Variants in ADAMTS6 observed in about 807,000 individuals in gnomAD.
The protein encoded by ADAMTS6 is A disintegrin and metalloproteinase with thrombospondin motifs 6.
A neutral mutation model predicts 144.3 loss-of-function variants in ADAMTS6; 23 were observed. That is an observed-to-expected ratio of 0.16 (90% CI 0.11 to 0.23). The LOEUF (loss-of-function observed/expected upper bound fraction) is 0.23. ADAMTS6 is among the 10% of genes least tolerant of loss of function. The pLI is 1.00. For synonymous variants in ADAMTS6, 444 were observed against 457.5 expected (o/e 0.97, Z 0.38); for missense variants, 999 against 1,379.6 (o/e 0.72, Z 4.37).
intron 7 of ADAMTS6, among the ~76,000 whole-genome samples, chr5:65,351,223 A>G (rs951503804): frequency 6.6e-6 from 1 of 152,230 alleles, no homozygotes; most frequent in African/African-American, 2.4e-5. Flanking sequence ...GTTCTACAAG[A>G]CTGAGTGCCA....
At chr5:65,470,195 A>T (rs1414932195) in intron 3 of ADAMTS6, among the ~76,000 whole-genome samples, 1 of 152,154 alleles carries the variant, frequency 6.6e-6, no homozygotes, top group Non-Finnish European at 1.5e-5. Flanking sequence ...AAACACTGGG[A>T]TTACAGACAT....
chr5:65,215,614 A>G, intron 18 of ADAMTS6, 127 bp from the exon 19 acceptor site: 1 of 744,906 alleles, frequency 1.3e-6, no homozygotes, highest in Non-Finnish European at 2.1e-6. Flanking sequence ...TCTTGACCAT[A>G]TTCTTAAGTA....
At chr5:65,365,342 A>T (rs6880291) in intron 7 of ADAMTS6, among the ~76,000 whole-genome samples, 82,416 of 151,978 alleles carry the variant, frequency 0.54, 23,065 homozygotes, top group African/African-American at 0.67. Context: ...CTTAGAAAAT[A>T]CTTCTCAATA....
chr5:65,461,894 T>C (rs941377308), intron 3 of ADAMTS6, among the ~76,000 whole-genome samples: 1 of 152,354 alleles, frequency 6.6e-6, no homozygotes, highest in African/African-American at 2.4e-5. Flanking sequence ...TAAACCTCTA[T>C]GATTCTGCTT....
intron 3 of ADAMTS6, among the ~76,000 whole-genome samples, chr5:65,467,050 AAAG>A (rs1302102557): frequency 2.6e-5 from 4 of 151,978 alleles, no homozygotes; most frequent in African/African-American, 7.3e-5. Context: ...AAAAAAAAAA[AAAG>A]GACAGAATGT....
At chr5:65,381,497 G>A (rs551654817) in intron 7 of ADAMTS6, among the ~76,000 whole-genome samples, 6 of 149,834 alleles carry the variant, frequency 4.0e-5, no homozygotes, top group African/African-American at 1.2e-4. Flanking sequence ...AGAGTAGCTG[G>A]GATTACAGGC....
intron 10 of ADAMTS6, among the ~76,000 whole-genome samples, chr5:65,297,537 T>C (rs1225815014): frequency 2.0e-5 from 3 of 152,130 alleles, no homozygotes; most frequent in Non-Finnish European, 2.9e-5. Flanking sequence ...GAAGCTAAAA[T>C]AAAATGTTAT....
intron 3 of ADAMTS6, among the ~76,000 whole-genome samples, chr5:65,466,489 T>C (rs994608129): frequency 6.6e-6 from 1 of 152,232 alleles, no homozygotes; most frequent in Non-Finnish European, 1.5e-5. Context: ...TTTGTGTGTA[T>C]ACCCTACTAG....
intron 7 of ADAMTS6, among the ~76,000 whole-genome samples, chr5:65,412,845 A>G (rs1755164134): frequency 6.6e-6 from 1 of 152,190 alleles, no homozygotes; most frequent in South Asian, 2.1e-4. Context: ...AATTCAAATA[A>G]TACTGATACC....
At chr5:65,295,856 A>G (rs114845000) in intron 10 of ADAMTS6, among the ~76,000 whole-genome samples, 2,378 of 152,216 alleles carry the variant, frequency 0.016, 58 homozygotes, top group African/African-American at 0.055. Flanking sequence ...TGAGAAAGTC[A>G]TATTTTATGA....
chr5:65,394,944 T>C (rs1163725788), intron 7 of ADAMTS6, among the ~76,000 whole-genome samples: 1 of 152,108 alleles, frequency 6.6e-6, no homozygotes. Flanking sequence ...TAAATAATCC[T>C]ATGAAGTAGC....
intron 3 of ADAMTS6, among the ~76,000 whole-genome samples, chr5:65,468,643 G>T (rs1472767507): frequency 6.6e-6 from 1 of 152,136 alleles, no homozygotes; most frequent in Non-Finnish European, 1.5e-5. Flanking sequence ...GTGTCAATAA[G>T]AGACGAAGTA....
intron 7 of ADAMTS6, among the ~76,000 whole-genome samples, chr5:65,423,548 T>C (rs1756251861): frequency 6.6e-6 from 1 of 152,152 alleles, no homozygotes; most frequent in South Asian, 2.1e-4. Flanking sequence ...GCATTTTAGA[T>C]GTAAATCTTC....
chr5:65,236,597 T>C (rs905290113), intron 15 of ADAMTS6, among the ~76,000 whole-genome samples: 2 of 152,144 alleles, frequency 1.3e-5, no homozygotes, highest in Non-Finnish European at 2.9e-5. Context: ...CATTCTCTAA[T>C]CTTAATGCAA....
chr5:65,176,577 G>A (rs1050220784), intron 22 of ADAMTS6, among the ~76,000 whole-genome samples: 2 of 152,062 alleles, frequency 1.3e-5, no homozygotes, highest in African/African-American at 4.8e-5. Flanking sequence ...TCTGTGAACT[G>A]GACATTAAAG....
rs1438176547 is a variant in ADAMTS6 at position 65,373,555 on chromosome 5, C to T, written c.1074-39470G>A. The stretch of plus-strand genomic sequence containing the variant: ...CACATACACTCTCCCAAGACTAAAC[C>T]AGGAAGAAGTTGAATCTCTGAATAG... On this transcript the variant is annotated intron_variant, in intron 7 of 24. Coordinates refer to ENST00000381055, the MANE Select transcript of ADAMTS6 (RefSeq NM_197941.4). Among the ~76,000 whole-genome samples, 9 of 151,586 alleles carry T rather than the reference C, an allele frequency of 5.9e-5. No individual in the cohort carries two copies. In the East Asian group the frequency reaches 1.7e-3, roughly 29 times the overall value.
At chr5:65,430,699 T>A (rs1033454125) in intron 7 of ADAMTS6, among the ~76,000 whole-genome samples, 1 of 152,072 alleles carries the variant, frequency 6.6e-6, no homozygotes, top group Non-Finnish European at 1.5e-5. Flanking sequence ...AGAGCCAAAA[T>A]AAGCAGGGGC....
chr5:65,298,191 C>T (rs1368715825), intron 10 of ADAMTS6, among the ~76,000 whole-genome samples: 1 of 152,000 alleles, frequency 6.6e-6, no homozygotes, highest in Non-Finnish European at 1.5e-5. Context: ...GGTAGAAGAT[C>T]ACAACTGGTC....
At chr5:65,318,165 G>A (rs1580377681) in intron 9 of ADAMTS6, among the ~76,000 whole-genome samples, 1 of 151,110 alleles carries the variant, frequency 6.6e-6, no homozygotes, top group Admixed American at 6.6e-5. Context: ...AATGCAAATC[G>A]AAACTACAAT....
Sources: gnomAD v4.1 joint callset for allele counts (sites outside exome capture counted in the v4.1 genomes callset) on GRCh38, gnomAD v4.1.1 for gene constraint, MANE v1.5 for transcripts, NCBI Gene and HGNC (gene_info 2026-07-23, HGNC 2026-07-21) for gene names.